The following COLEC10 variants were observed in gnomAD, a reference collection of about 807,000 sequenced individuals.
COLEC10 encodes collectin-10.
A neutral mutation model predicts 28.4 loss-of-function variants in COLEC10; 22 were observed. The ratio of observed to expected loss-of-function variants is 0.78; its 90% CI spans 0.55 to 1.11. The LOEUF is 1.11. Among genes scored for constraint, COLEC10 ranks in the 50% least tolerant of loss-of-function variants. The pLI, the probability that COLEC10 is intolerant of heterozygous loss-of-function variation, is 0.00. For missense variants in COLEC10, 361 were observed against 344.1 expected (o/e 1.05, Z -0.39); for synonymous variants, 125 against 116.1 (o/e 1.08, Z -0.49).
At chr8:119,050,731 C>G (rs1237923002) in intron 2 of COLEC10, among the ~76,000 whole-genome samples, 2 of 152,178 alleles carry the variant, frequency 1.3e-5, no homozygotes, top group Non-Finnish European at 2.9e-5. Context: ...CAAAGGAAGT[C>G]TGCCACTGTG....
intron 1 of COLEC10, among the ~76,000 whole-genome samples, chr8:119,076,571 A>G (rs1815242234): frequency 6.6e-6 from 1 of 152,172 alleles, no homozygotes; most frequent in South Asian, 2.1e-4. Context: ...CCAACACAAA[A>G]TTCTTTAAAC....
At chr8:119,088,765 A>G (rs1275811810) in intron 1 of COLEC10, among the ~76,000 whole-genome samples, 2 of 152,184 alleles carry the variant, frequency 1.3e-5, no homozygotes, top group Non-Finnish European at 2.9e-5. Context: ...CCTGGAGAGC[A>G]GATACTATCC....
rs182630573 is a variant in COLEC10 at position 119,106,850 on chromosome 8, A to C, written c.*659A>C. On this transcript the variant is annotated 3_prime_UTR_variant, in exon 6 of 6. Coordinates refer to ENST00000332843, the MANE Select transcript of COLEC10 (RefSeq NM_006438.5). ...TGCTTCTGATCTATCGATTTCACTA[A>C]CATATACCAAGTAGGTGCTTTGAAC... 2.0e-5 allele frequency among the ~76,000 whole-genome samples: 3 copies of C among 152,296 alleles called. No individual in the cohort carries two copies. The highest frequency in any genetic ancestry group is 2.0e-4 in the Admixed American group (3 of 15,290).
chr8:118,974,779 T>C, the COLEC10 span, among the ~76,000 whole-genome samples: 4 of 152,208 alleles, frequency 2.6e-5, no homozygotes, highest in East Asian at 5.8e-4. Flanking sequence ...AAAACACATC[T>C]GAAAAAGTTA....
chr8:119,055,270 A>G (rs1296523378), intron 2 of COLEC10, among the ~76,000 whole-genome samples: 1 of 152,084 alleles, frequency 6.6e-6, no homozygotes, highest in Non-Finnish European at 1.5e-5. Flanking sequence ...GCTTCTCAGA[A>G]GCAAGGGGTA....
chr8:118,984,398 T>C, the COLEC10 span, among the ~76,000 whole-genome samples: 2 of 152,212 alleles, frequency 1.3e-5, no homozygotes, highest in Admixed American at 1.3e-4. Flanking sequence ...GCTTAGTACC[T>C]GAGTGATGAA....
rs879630695 is a variant in COLEC10 at position 119,102,646 on chromosome 8, C to T, written c.346+245C>T. 5.5e-5 allele frequency: 22 copies of T among 399,868 alleles called. 1 individual carries two copies. Among genetic ancestry groups the T allele is most frequent in the Non-Finnish European group, 9.3e-5 (21 of 226,842 alleles). The allele number at this position is 399,868 out of a possible 1,614,324, so 24.8% of individuals were successfully genotyped here. ...TGCTTACTATGAGAAGAAAGCCCAG[C>T]CCATCAGGAAGCAGCCTAATTCTTC... On this transcript the variant is annotated intron_variant, in intron 4 of 5. Transcript: ENST00000332843.
At chr8:119,016,489 G>A (rs1355791314) in intron 2 of COLEC10, among the ~76,000 whole-genome samples, 1 of 152,054 alleles carries the variant, frequency 6.6e-6, no homozygotes, top group Non-Finnish European at 1.5e-5. Flanking sequence ...ATAAACATAT[G>A]TGTGCATGTG....
intron 2 of COLEC10, among the ~76,000 whole-genome samples, chr8:119,012,346 TA>T (rs1171855478): frequency 6.6e-6 from 1 of 150,780 alleles, no homozygotes; most frequent in Non-Finnish European, 1.5e-5. Flanking sequence ...TCATTCTTTT[TA>T]TACATTGTTG....
At chr8:119,067,164 C>G, upstream of COLEC10, 2 of 1,009,446 alleles carry the variant, frequency 2.0e-6, no homozygotes, top group South Asian at 3.2e-5. Flanking sequence ...TCTCTGTAGC[C>G]CTTTTTGGAA....
At chr8:118,977,015 G>A in the COLEC10 span, among the ~76,000 whole-genome samples, 3 of 149,828 alleles carry the variant, frequency 2.0e-5, no homozygotes, top group African/African-American at 4.9e-5. Flanking sequence ...ATCATCACTG[G>A]CCATCAGAGA....
rs1815953246 is a variant in COLEC10, at chr8:119,106,742, G to T, written c.*551G>T. The stretch of plus-strand genomic sequence containing the variant: ...TCCTTGTTGGCACAGACATAGAAAT[G>T]CTTTAACCCCAAACCTTTATATGGG... On this transcript the variant is annotated 3_prime_UTR_variant, in exon 6 of 6. Transcript: ENST00000332843. Among the ~76,000 whole-genome samples the T allele has an allele frequency of 1.3e-5, 2 of 152,172 alleles. No individual in the cohort carries two copies. Among genetic ancestry groups the T allele is most frequent in the South Asian group, 4.1e-4 (2 of 4,832 alleles).
At chr8:119,037,115 G>T (rs1385509) in intron 2 of COLEC10, among the ~76,000 whole-genome samples, 12,149 of 152,278 alleles carry the variant, frequency 0.08, 530 homozygotes, top group South Asian at 0.11. Context: ...CAGAGATTAT[G>T]TCTATCATTC....
chr8:118,974,195 G>T, the COLEC10 span, among the ~76,000 whole-genome samples: 1 of 151,450 alleles, frequency 6.6e-6, no homozygotes, highest in Admixed American at 6.6e-5. Flanking sequence ...TTATTTTAAC[G>T]CATAAAATAT....
intron 3 of COLEC10, among the ~76,000 whole-genome samples, chr8:119,092,267 T>A (rs58144012): frequency 0.068 from 10,339 of 151,984 alleles, 1,133 homozygotes; most frequent in African/African-American, 0.24. Context: ...GACAGGGGTT[T>A]CTCTGTGCTA....
chr8:119,100,169 A>T (rs952799016), intron 3 of COLEC10, among the ~76,000 whole-genome samples: 5 of 152,118 alleles, frequency 3.3e-5, no homozygotes, highest in African/African-American at 1.2e-4. Flanking sequence ...TTTTTCATTA[A>T]ACCATTGGTT....
chr8:119,064,447 A>G (rs1248343088), upstream of COLEC10, among the ~76,000 whole-genome samples: 2 of 152,348 alleles, frequency 1.3e-5, no homozygotes, highest in Non-Finnish European at 2.9e-5. Flanking sequence ...ATAGTGAAGT[A>G]GACTTAGGGT....
upstream of COLEC10, among the ~76,000 whole-genome samples, chr8:118,992,230 A>T (rs2130039661): frequency 6.6e-6 from 1 of 152,264 alleles, no homozygotes; most frequent in African/African-American, 2.4e-5. Flanking sequence ...TATGAATTTC[A>T]ATAGAGTCAG....
At chr8:119,053,547 A>G (rs1170187795) in intron 2 of COLEC10, among the ~76,000 whole-genome samples, 1 of 152,072 alleles carries the variant, frequency 6.6e-6, no homozygotes, top group Non-Finnish European at 1.5e-5. Flanking sequence ...GCAGTGAACA[A>G]TCAGGGTTTA....
Sources: allele counts gnomAD v4.1 joint callset (sites outside exome capture counted in the v4.1 genomes callset), GRCh38; gene constraint gnomAD v4.1.1; transcripts MANE v1.5; gene names NCBI Gene and HGNC (gene_info 2026-07-23, HGNC 2026-07-21).